Variants in ZNF44 observed in about 807,000 individuals in gnomAD.
ZNF44 encodes gonadotropin inducible transcription repressor-2.
A neutral mutation model predicts 11.7 loss-of-function variants in ZNF44; 9 were observed. The ratio of observed to expected loss-of-function variants is 0.77; its 90% confidence interval spans 0.46 to 1.35. The LOEUF is 1.35. Ranked by LOEUF, ZNF44 falls within the 40% of genes most tolerant of loss-of-function variation. The pLI is 0.00. For missense variants in ZNF44, 696 were observed against 743.1 expected, an observed-to-expected ratio of 0.94 and a Z score of 0.74; for synonymous variants, 224 against 242.7, an observed-to-expected ratio of 0.92 and a Z score of 0.72.
In ZNF44 at chr19:12,276,053, C is replaced by A; in HGVS notation, c.33G>T (p.Val11=). The A allele has an allele frequency of 1.2e-6, 2 of 1,607,148 alleles. No individual in the cohort carries two copies. Among genetic ancestry groups the A allele is most frequent in the Non-Finnish European group, 1.7e-6 (2 of 1,175,020 alleles). The change falls in exon 2 of 4, where the codon GTG becomes GTT. Residue 11 remains valine (V), a synonymous_variant. Transcript: ENST00000355684. The stretch of plus-strand genomic sequence containing the variant: ...AAGCCCACTCCTCATGGGTGAAGTT[C>A]ACAGCCACATCCTCAAAGGCCACTG... MDSVAFEDVA[V]NFTHEEWALL...
chr19:12,251,298 C>T (rs1462977748), intron 5 of ZNF44, among the ~76,000 whole-genome samples: 1 of 149,814 alleles, frequency 6.7e-6, no homozygotes, highest in Admixed American at 6.6e-5. Context: ...ACATTGCACT[C>T]CAGCCTGGGC....
chr19:12,264,530 CTG>C (rs1917652542), intron 5 of ZNF44, among the ~76,000 whole-genome samples: 2 of 152,120 alleles, frequency 1.3e-5, no homozygotes, highest in South Asian at 4.1e-4. Flanking sequence ...TGGAAGCAAA[CTG>C]TAAAACATTA....
chr19:12,293,359 G>A (rs1464063010), intron 1 of ZNF44: 5 of 1,536,738 alleles, frequency 3.3e-6, no homozygotes, highest in Non-Finnish European at 3.5e-6. Context: ...GCCCCAGAAA[G>A]TTCCATAACA....
At chr19:12,274,152 A>G in intron 3 of ZNF44, 89 bp from the exon 4 acceptor site, 1 of 1,211,408 alleles carries the variant, frequency 8.3e-7, no homozygotes, top group South Asian at 1.5e-5. Context: ...TAACATTATC[A>G]GGCAAGCTAT....
At chr19:12,270,863 G>A (rs1966926889), downstream of ZNF44, among the ~76,000 whole-genome samples, 1 of 152,184 alleles carries the variant, frequency 6.6e-6, no homozygotes, top group Non-Finnish European at 1.5e-5. Flanking sequence ...TTACTGCAGA[G>A]GCTGTAGATG....
At position 12,273,618 on chromosome 19, in the gene ZNF44, G is replaced by C. The variant is rs549358897; in HGVS notation, c.637C>G (p.Arg213Gly). ...CCAGTGTGAGTTCTTTCATGCATAC[G>C]TAATAAACTGGGCCAAAAAAAGGCT... ...GKAFFWPSLL[R>G]MHERTHTGEK... The change falls in exon 4 of 4, where the codon CGT becomes GGT. Residue 213 changes from arginine (R) to glycine (G), a missense_variant. By Grantham distance (125) the Arg-to-Gly change is moderately radical. Coordinates refer to ENST00000355684, the MANE Select transcript of ZNF44 (RefSeq NM_016264.4). 3.1e-6 allele frequency: 5 copies of C among 1,613,958 alleles called. No homozygotes were observed. The highest frequency in any genetic ancestry group is 1.3e-5 in the African/African-American group (1 of 74,886).
upstream of ZNF44, among the ~76,000 whole-genome samples, chr19:12,242,077 A>C (rs1337086927): frequency 6.6e-6 from 1 of 152,152 alleles, no homozygotes; most frequent in Non-Finnish European, 1.5e-5. Flanking sequence ...AATGGGTACC[A>C]ATTTTTTTTT....
intron 5 of ZNF44, among the ~76,000 whole-genome samples, chr19:12,265,385 A>T (rs1917690022): frequency 1.4e-5 from 2 of 140,442 alleles, no homozygotes; most frequent in African/African-American, 6.6e-5. Flanking sequence ...ACTGTCTCAA[A>T]CAAACAAACA....
chr19:12,227,921 C>T (rs1185787159), intron 3 of ZNF44, among the ~76,000 whole-genome samples: 1 of 152,120 alleles, frequency 6.6e-6, no homozygotes, highest in African/African-American at 2.4e-5. Flanking sequence ...TTTAATAAAA[C>T]CTTGTAGATG....
At chr19:12,242,324 C>A (rs1297934285), upstream of ZNF44, among the ~76,000 whole-genome samples, 1 of 151,280 alleles carries the variant, frequency 6.6e-6, no homozygotes, top group Non-Finnish European at 1.5e-5. Context: ...TCCTGGCTAA[C>A]ACAGTGAAAC....
At chr19:12,243,598 A>G (rs112946251), downstream of ZNF44, among the ~76,000 whole-genome samples, 1,425 of 152,288 alleles carry the variant, frequency 9.4e-3, 8 homozygotes, top group Non-Finnish European at 0.013. Context: ...TATGTTGACT[A>G]TTGTGAATAA....
chr19:12,278,736 A>T (rs1599535341), intron 1 of ZNF44, among the ~76,000 whole-genome samples: 1 of 152,246 alleles, frequency 6.6e-6, no homozygotes, highest in East Asian at 1.9e-4. Flanking sequence ...AGGAAAAAAA[A>T]AAAAGACATA....
intron 1 of ZNF44, among the ~76,000 whole-genome samples, chr19:12,278,205 G>A (rs1484497600): frequency 1.3e-5 from 2 of 152,210 alleles, no homozygotes; most frequent in African/African-American, 4.8e-5. Flanking sequence ...ACAATAGCAT[G>A]GGCCATCTGT....
intron 5 of ZNF44, among the ~76,000 whole-genome samples, chr19:12,257,843 C>T (rs1917324942): frequency 6.8e-6 from 1 of 147,280 alleles, no homozygotes; most frequent in South Asian, 2.2e-4. Context: ...TTGTGGTGCA[C>T]GCCTGTAATC....
At chr19:12,285,747 G>A (rs1021849043) in intron 1 of ZNF44, among the ~76,000 whole-genome samples, 6 of 152,046 alleles carry the variant, frequency 3.9e-5, no homozygotes, top group Non-Finnish European at 7.4e-5. Context: ...GGCCAGGCGC[G>A]GTGGCTCACG....
In ZNF44 at chr19:12,275,011, G is replaced by C; in HGVS notation, c.153C>G (p.Asn51Lys). The change falls in exon 3 of 4, where the codon AAC becomes AAG. Residue 51 changes from asparagine (N) to lysine (K), a missense_variant. Coordinates refer to ENST00000355684, the MANE Select transcript of ZNF44 (RefSeq NM_016264.4). ...TGAGATTTTGGTGCTGATCATCAATGTTCTGGTTTTCCCATTTCATTCCTA... is the reference window on the plus strand; with the variant it reads ...TGAGATTTTGGTGCTGATCATCAATCTTCTGGTTTTCCCATTTCATTCCTA... ...NCIGMKWENQ[N>K]IDDQHQNLRR... The C allele has an allele frequency of 1.3e-6, 2 of 1,588,652 alleles. No individual in the cohort carries two copies. The highest frequency in any genetic ancestry group is 1.7e-6 in the Non-Finnish European group (2 of 1,167,954).
intron 1 of ZNF44, among the ~76,000 whole-genome samples, chr19:12,286,414 T>C (rs992841633): frequency 2.6e-5 from 4 of 151,962 alleles, no homozygotes; most frequent in African/African-American, 9.7e-5. Flanking sequence ...GGTGGGTGGA[T>C]CACAAAGTCA....
intron 5 of ZNF44, chr19:12,250,779 T>G (rs759654563): frequency 2.2e-6 from 1 of 456,136 alleles, no homozygotes; most frequent in African/African-American, 2.0e-5. Flanking sequence ...ACTGAAGAAC[T>G]AGAAGCTTTT....
In ZNF44 at chr19:12,276,011, C is replaced by T; in HGVS notation, c.75G>A (p.Gln25=). 6.2e-7 allele frequency: 1 copy of T among 1,609,848 alleles called. No homozygotes were observed. Residue 25 remains glutamine (Q), a synonymous_variant, in exon 2 of 4, where the codon CAG becomes CAA. Coordinates refer to ENST00000355684, the MANE Select transcript of ZNF44 (RefSeq NM_016264.4). ...GCATCACATCTCTGTAGAGATTCTT[C>T]TGTGATGGACCCAGCAAAGCCCACT... ...HEEWALLGPS[Q]KNLYRDVMRE...
Sources: allele counts gnomAD v4.1 joint callset (sites outside exome capture counted in the v4.1 genomes callset), GRCh38; gene constraint gnomAD v4.1.1; transcripts MANE v1.5; gene names NCBI Gene and HGNC (gene_info 2026-07-23, HGNC 2026-07-21).